CCDC3: variants seen among roughly 807,000 people sequenced by gnomAD.
The protein encoded by CCDC3 is coiled-coil domain containing 3.
A neutral mutation model predicts 21.4 loss-of-function variants in CCDC3; 24 were observed. The ratio of observed to expected loss-of-function variants is 1.12; its 90% confidence interval spans 0.81 to 1.58. CCDC3 has a LOEUF of 1.58. CCDC3 is among the 40% of genes most tolerant of loss of function. The probability of loss-of-function intolerance (pLI) is 0.00; values close to 1 mark genes in which losing one functional copy is unlikely to be tolerated. For missense variants in CCDC3, 425 were observed against 360.9 expected (o/e 1.18, Z -1.44); for synonymous variants, 186 against 166.0 (o/e 1.12, Z -0.93).
intron 5 of CCDC3, among the ~76,000 whole-genome samples, chr10:13,033,154 T>C (rs960602324): frequency 6.6e-6 from 1 of 152,064 alleles, no homozygotes; most frequent in Non-Finnish European, 1.5e-5. Context: ...TATAGACCAA[T>C]GGAACAGAAC....
chr10:13,071,664 C>T (rs912293585), intron 4 of CCDC3, among the ~76,000 whole-genome samples: 1 of 152,126 alleles, frequency 6.6e-6, no homozygotes, highest in Non-Finnish European at 1.5e-5. Context: ...CTTGGGGATA[C>T]AAGGACAGAG....
At chr10:13,011,262 A>C (rs1835981127) in intron 5 of CCDC3, among the ~76,000 whole-genome samples, 2 of 152,136 alleles carry the variant, frequency 1.3e-5, no homozygotes, top group South Asian at 4.1e-4. Context: ...TGTTTTCAGA[A>C]GACATGATTC....
At chr10:13,033,962 T>C (rs149567923) in intron 5 of CCDC3, among the ~76,000 whole-genome samples, 9 of 152,276 alleles carry the variant, frequency 5.9e-5, no homozygotes, top group African/African-American at 2.2e-4. Flanking sequence ...GAACTAGAAA[T>C]ACCATATGAC....
intron 2 of CCDC3, among the ~76,000 whole-genome samples, chr10:12,935,368 A>G (rs1834720442): frequency 6.6e-6 from 1 of 152,114 alleles, no homozygotes; most frequent in African/African-American, 2.4e-5. Context: ...ACAGGCATGA[A>G]CCACTATGCC....
intron 2 of CCDC3, among the ~76,000 whole-genome samples, chr10:12,990,386 C>G (rs1346810926): frequency 6.6e-6 from 1 of 152,140 alleles, no homozygotes; most frequent in Admixed American, 6.5e-5. Context: ...AAAGCCCCTC[C>G]GCATAGCAAA....
intron 2 of CCDC3, among the ~76,000 whole-genome samples, chr10:12,951,457 G>T (rs1835006837): frequency 2.0e-5 from 3 of 152,114 alleles, no homozygotes; most frequent in Non-Finnish European, 4.4e-5. Context: ...TCCATCCGGG[G>T]GTCTCTACCA....
chr10:13,097,332 C>G (rs1480541189), intron 3 of CCDC3, among the ~76,000 whole-genome samples: 1 of 152,174 alleles, frequency 6.6e-6, no homozygotes, highest in Non-Finnish European at 1.5e-5. Context: ...GCAACAAACA[C>G]CATGAGCCAG....
At chr10:13,093,809 C>G (rs1222543683) in intron 3 of CCDC3, among the ~76,000 whole-genome samples, 2 of 152,108 alleles carry the variant, frequency 1.3e-5, no homozygotes, top group Non-Finnish European at 2.9e-5. Flanking sequence ...ATCACTTGTA[C>G]TTTCCTACTA....
chr10:13,013,897 T>C (rs1281008096), intron 5 of CCDC3, among the ~76,000 whole-genome samples: 1 of 152,156 alleles, frequency 6.6e-6, no homozygotes. Context: ...ACACCTGTAA[T>C]CCCAGCGCTT....
rs532413208 is a variant in CCDC3, at chr10:12,912,352, T to C, written c.550-13673A>G. Reference sequence around the variant, plus strand: ...GTGAGATGATATCTCATATTCATTTTAATTTGCGTGTCCCTGATTAGTGAT... The same window carrying C: ...GTGAGATGATATCTCATATTCATTTCAATTTGCGTGTCCCTGATTAGTGAT... On this transcript the variant is annotated intron_variant, in intron 2 of 2. Coordinates refer to ENST00000378825, the MANE Select transcript of CCDC3 (RefSeq NM_031455.4). 2.6e-5 allele frequency among the ~76,000 whole-genome samples: 4 copies of C among 152,380 alleles called. No homozygotes were observed. The South Asian group carries it at 8.3e-4, about 32-fold the overall frequency.
chr10:13,024,041 C>T (rs1222651794), intron 5 of CCDC3, among the ~76,000 whole-genome samples: 1 of 152,160 alleles, frequency 6.6e-6, no homozygotes, highest in African/African-American at 2.4e-5. Context: ...GTTCTACTCC[C>T]TGGAACTGAT....
chr10:13,039,187 G>A (rs1019601234), intron 5 of CCDC3, among the ~76,000 whole-genome samples: 2 of 152,016 alleles, frequency 1.3e-5, no homozygotes, highest in Non-Finnish European at 2.9e-5. Context: ...AGGCCGAGGC[G>A]GGCAGATCTC....
intron 3 of CCDC3, among the ~76,000 whole-genome samples, chr10:13,085,210 C>A (rs1837088319): frequency 6.6e-6 from 1 of 152,152 alleles, no homozygotes; most frequent in African/African-American, 2.4e-5. Flanking sequence ...CCAGCCCCAG[C>A]CAAGGGAATA....
At chr10:12,994,832 G>C (rs1336154809) in intron 2 of CCDC3, among the ~76,000 whole-genome samples, 1 of 152,042 alleles carries the variant, frequency 6.6e-6, no homozygotes, top group Non-Finnish European at 1.5e-5. Flanking sequence ...TGTAATCCCA[G>C]CACTTTGGGA....
Position 13,084,510 on chromosome 10 carries a change from C to G in CCDC3, c.-502-10410G>C, listed in dbSNP as rs561794364. Among the ~76,000 whole-genome samples, 8 of 152,270 alleles carry G rather than the reference C, an allele frequency of 5.3e-5. No homozygotes were observed. In the East Asian group the frequency reaches 1.5e-3, roughly 29 times the overall value. On this transcript the variant is annotated intron_variant, in intron 3 of 6. Transcript: ENST00000378839. ...CCATGTTGGTCAGTCTGGTCTCGAACTCCTGACCTTAGGTGATCCACTCGC... is the reference window on the plus strand; with the variant it reads ...CCATGTTGGTCAGTCTGGTCTCGAAGTCCTGACCTTAGGTGATCCACTCGC...
rs112487830 is a variant in CCDC3 at position 12,998,307 on chromosome 10, T to C, written c.549+31A>G. On this transcript the variant is annotated intron_variant, in intron 2 of 2. Coordinates refer to ENST00000378825, the MANE Select transcript of CCDC3 (RefSeq NM_031455.4). ...ACAAGGTGTAGCTATACTATTGTTT[T>C]GCTGTGGCACAGGATTTAGCCAATT... is the stretch of plus-strand genomic sequence containing the variant. The C allele has an allele frequency of 2.3e-3, 3,651 of 1,603,960 alleles. 64 individuals are homozygous for C. In the African/African-American group the frequency reaches 0.04, roughly 18 times the overall value.
intron 2 of CCDC3, among the ~76,000 whole-genome samples, chr10:12,973,167 C>T (rs1277958314): frequency 1.3e-5 from 2 of 152,148 alleles, no homozygotes; most frequent in Non-Finnish European, 2.9e-5. Context: ...TCATTTAAGA[C>T]CTGAGGGCTC....
At chr10:13,034,065 C>T (rs1433681934) in intron 5 of CCDC3, among the ~76,000 whole-genome samples, 2 of 152,048 alleles carry the variant, frequency 1.3e-5, no homozygotes, top group Non-Finnish European at 2.9e-5. Context: ...TGGCACTATT[C>T]ACAATAGTAA....
At chr10:12,932,985 G>C (rs1358055442) in intron 2 of CCDC3, among the ~76,000 whole-genome samples, 3 of 152,188 alleles carry the variant, frequency 2.0e-5, no homozygotes, top group African/African-American at 7.2e-5. Flanking sequence ...TGTTGAACCA[G>C]CTTTGCATAC....
Sources: allele counts gnomAD v4.1 joint callset (sites outside exome capture counted in the v4.1 genomes callset), GRCh38; gene constraint gnomAD v4.1.1; transcripts MANE v1.5; gene names NCBI Gene and HGNC (gene_info 2026-07-23, HGNC 2026-07-21).